The following EVC2 variants were observed in gnomAD, a reference collection of about 807,000 sequenced individuals.
EVC2 encodes the protein EvC ciliary complex subunit 2, also known as limbin.
EVC2 carries 148 observed loss-of-function variants against 149.3 expected under a neutral mutation model. That is an observed-to-expected ratio of 0.99 (90% CI 0.87 to 1.14). The LOEUF (loss-of-function observed/expected upper bound fraction) is 1.14. EVC2 is among the 50% of genes most tolerant of loss of function. The probability of loss-of-function intolerance (pLI) is 0.00; values close to 1 mark genes in which losing one functional copy is unlikely to be tolerated. For missense variants in EVC2, 1,854 were observed against 1,627.3 expected (o/e 1.14, Z -2.40); for synonymous variants, 776 against 649.9 (o/e 1.19, Z -2.95).
At chr4:5,648,907 C>T (rs1216137259) in intron 9 of EVC2, among the ~76,000 whole-genome samples, 1 of 152,166 alleles carries the variant, frequency 6.6e-6, no homozygotes, top group African/African-American at 2.4e-5. Flanking sequence ...CCTTTAATTT[C>T]CCAAAGGGCT....
At chr4:5,623,512 G>A (rs576757862) in intron 13 of EVC2, among the ~76,000 whole-genome samples, 158 of 151,982 alleles carry the variant, frequency 1.0e-3, no homozygotes, top group African/African-American at 3.6e-3. Flanking sequence ...GATAATTTTT[G>A]TATTTTTTAT....
the EVC2 span, among the ~76,000 whole-genome samples, chr4:5,536,709 A>G: frequency 3.2e-4 from 48 of 152,016 alleles, 1 homozygote; most frequent in South Asian, 6.3e-4. Flanking sequence ...GCGTGAACCC[A>G]GGAGGTGGAG....
chr4:5,553,317 G>C (rs749710387), intron 21 of EVC2, among the ~76,000 whole-genome samples: 3 of 152,128 alleles, frequency 2.0e-5, no homozygotes, highest in African/African-American at 7.2e-5. Flanking sequence ...AGTACCAAAG[G>C]GGATGGTGCT....
intron 21 of EVC2, among the ~76,000 whole-genome samples, chr4:5,548,096 C>T (rs1721655471): frequency 6.6e-6 from 1 of 152,044 alleles, no homozygotes; most frequent in Admixed American, 6.5e-5. Flanking sequence ...GTGGCTGGAC[C>T]CCTCGCTGGT....
chr4:5,622,167 G>A lies in EVC2; in HGVS notation c.2501+370C>T, dbSNP rs940139791. Among the ~76,000 whole-genome samples the A allele has an allele frequency of 6.6e-6, 1 of 151,990 alleles. No individual in the cohort carries two copies. Among genetic ancestry groups the A allele is most frequent in the Non-Finnish European group, 1.5e-5 (1 of 68,004 alleles). ...CTGTGGATCATGTCCCCTCCCCAGG[G>A]GACATTTCTTATTAGGGGAACCAGC... On this transcript the variant is annotated intron_variant, in intron 14 of 21. Transcript: ENST00000344408. This position sits in a 1 kb window ranked among gnomAD's most constrained non-coding sequence, Gnocchi z 5.8.
Position 5,677,580 on chromosome 4 carries a change from C to G in EVC2, c.870+3680G>C, listed in dbSNP as rs1313112907. On this transcript the variant is annotated intron_variant, in intron 7 of 21. Transcript: ENST00000344408. The surrounding 1 kb of genome is among the most constrained non-coding windows in gnomAD (Gnocchi z 4.3). The stretch of plus-strand genomic sequence containing the variant: ...AAGCCTGGAAGACCTCGGCATGGCT[C>G]AATTCCATCCATAAGTGAGCCTGCG... Among the ~76,000 whole-genome samples, 1 of 152,214 alleles carries G rather than the reference C, an allele frequency of 6.6e-6. No individual in the cohort carries two copies. Among genetic ancestry groups the G allele is most frequent in the Non-Finnish European group, 1.5e-5 (1 of 68,034 alleles).
chr4:5,575,254 T>A (rs1183681313), intron 18 of EVC2, among the ~76,000 whole-genome samples: 2 of 152,230 alleles, frequency 1.3e-5, no homozygotes, highest in African/African-American at 4.8e-5. Context: ...GTCAGCTTTG[T>A]GGATCTGCCT....
chr4:5,701,262 A>T (rs574973843), intron 1 of EVC2, among the ~76,000 whole-genome samples: 3 of 152,306 alleles, frequency 2.0e-5, no homozygotes, highest in African/African-American at 7.2e-5. Flanking sequence ...ATTACACTGG[A>T]ACCATCAGAT....
At chr4:5,685,583 C>T in intron 5 of EVC2, 104 bp from the exon 6 acceptor site, 1 of 886,858 alleles carries the variant, frequency 1.1e-6, no homozygotes, top group Non-Finnish European at 1.8e-6. Flanking sequence ...TCAGTGGTTC[C>T]AAGGGAGGCC....
chr4:5,545,113 T>G (rs892066426), intron 21 of EVC2, among the ~76,000 whole-genome samples: 7 of 152,168 alleles, frequency 4.6e-5, no homozygotes, highest in African/African-American at 1.7e-4. Context: ...CCACAATGCT[T>G]CACAACACCT....
At chr4:5,671,974 T>C (rs980929661) in intron 7 of EVC2, among the ~76,000 whole-genome samples, 30 of 152,348 alleles carry the variant, frequency 2.0e-4, no homozygotes, top group Middle Eastern at 3.4e-3. Flanking sequence ...TTCCTGATGT[T>C]AATTCACTGA....
chr4:5,574,367 C>T (rs980690488), intron 19 of EVC2, among the ~76,000 whole-genome samples: 1 of 152,230 alleles, frequency 6.6e-6, no homozygotes, highest in Non-Finnish European at 1.5e-5. Context: ...TACCCACTTT[C>T]TTCCCGGTAG....
intron 9 of EVC2, among the ~76,000 whole-genome samples, chr4:5,646,649 G>A (rs1265273982): frequency 1.3e-5 from 2 of 152,146 alleles, no homozygotes; most frequent in Non-Finnish European, 2.9e-5. Flanking sequence ...TGGTGTCATA[G>A]TAACCTTCAA....
chr4:5,566,034 C>T (rs868385498), intron 20 of EVC2, among the ~76,000 whole-genome samples: 1 of 152,248 alleles, frequency 6.6e-6, no homozygotes, highest in African/African-American at 2.4e-5. Flanking sequence ...TGTCTCTTAC[C>T]CTCCACGTAG....
chr4:5,701,926 C>T (rs1310083139), intron 1 of EVC2, among the ~76,000 whole-genome samples: 2 of 152,034 alleles, frequency 1.3e-5, no homozygotes, highest in African/African-American at 4.8e-5. Flanking sequence ...TCTCAGTAGC[C>T]CACCATTACC....
At chr4:5,587,075 T>C (rs1338701140) in intron 16 of EVC2, among the ~76,000 whole-genome samples, 4 of 152,388 alleles carry the variant, frequency 2.6e-5, no homozygotes, top group Admixed American at 6.5e-5. Flanking sequence ...CACTCCTTTG[T>C]TACTATTTTC....
chr4:5,594,439 C>G (rs6813498), intron 16 of EVC2, among the ~76,000 whole-genome samples: 1 of 151,918 alleles, frequency 6.6e-6, no homozygotes, highest in Non-Finnish European at 1.5e-5. Flanking sequence ...CTGCAGCCAC[C>G]GCTGCTGGTA....
At chr4:5,549,775 G>A (rs1175633409) in intron 21 of EVC2, among the ~76,000 whole-genome samples, 1 of 152,166 alleles carries the variant, frequency 6.6e-6, no homozygotes, top group Middle Eastern at 3.2e-3. Context: ...AACAGGCCCT[G>A]CTCACTCTTC....
At chr4:5,655,601 C>T (rs1247671196) in intron 9 of EVC2, among the ~76,000 whole-genome samples, 2 of 152,126 alleles carry the variant, frequency 1.3e-5, no homozygotes, top group African/African-American at 4.8e-5. Context: ...GCCAGGCCTG[C>T]ACCACCCAAG....
Sources: gnomAD v4.1 joint callset for allele counts (sites outside exome capture counted in the v4.1 genomes callset) on GRCh38, gnomAD v4.1.1 for gene constraint, Gnocchi (gnomAD v3.1) non-coding constraint, MANE v1.5 for transcripts, NCBI Gene and HGNC (gene_info 2026-07-23, HGNC 2026-07-21) for gene names.